PIK3R5: variants seen among roughly 807,000 people sequenced by gnomAD.
PIK3R5 encodes the protein phosphoinositide-3-kinase regulatory subunit 5, also known as phosphoinositide 3-kinase regulatory subunit 5.
In PIK3R5, 32 loss-of-function variants were observed where a neutral mutation model predicts 94.9. The ratio of observed to expected loss-of-function variants is 0.34; its 90% CI spans 0.25 to 0.45. PIK3R5 has a LOEUF of 0.45. PIK3R5 is among the 20% of genes least tolerant of loss of function. The pLI is 1.00. For synonymous variants in PIK3R5, 443 were observed against 479.4 expected, an observed-to-expected ratio of 0.92 and a Z score of 0.99; for missense variants, 853 against 1,144.6, an observed-to-expected ratio of 0.75 and a Z score of 3.68.
In PIK3R5 at chr17:8,886,389, A is replaced by G. The variant is rs2089857807; in HGVS notation, c.2035-67T>C. On this transcript the variant is annotated intron_variant, in intron 13 of 18. Coordinates refer to ENST00000447110, the MANE Select transcript of PIK3R5 (RefSeq NM_001142633.3). ...GAGGGGCCCATTTGGCTCCTCCAGC[A>G]TAGACCTGCTGGCTCTCCCGGGGCA... The G allele has an allele frequency of 2.5e-6, 4 of 1,603,614 alleles. No homozygotes were observed. The South Asian group carries it at 4.4e-5, about 18-fold the overall frequency.
In PIK3R5 at chr17:8,888,628, T is replaced by C. The variant is rs1351983630; in HGVS notation, c.1159A>G (p.Met387Val). Reference protein sequence around the residue: ...TSFVSGLSDGMDSGYVEDSEE... With the variant: ...TSFVSGLSDGVDSGYVEDSEE... ...CTGTCCTCCACGTAGCCGCTGTCCA[T>C]GCCATCAGAGAGGCCTGAGACAAAG... The change falls in exon 10 of 19, where the codon ATG (methionine) becomes GTG (valine). Residue 387 changes from methionine (M) to valine (V), a missense_variant. Coordinates refer to ENST00000447110, the MANE Select transcript of PIK3R5 (RefSeq NM_001142633.3). This position sits in a 1 kb window ranked among gnomAD's most constrained non-coding sequence, Gnocchi z 7.8. 1.5e-5 allele frequency: 24 copies of C among 1,613,142 alleles called. No homozygotes were observed. The highest frequency in any genetic ancestry group is 2.0e-5 in the Non-Finnish European group (24 of 1,179,670).
chr17:8,887,372 A>T, intron 11 of PIK3R5, 149 bp downstream of exon 11: 1 of 1,337,276 alleles, frequency 7.5e-7, no homozygotes, highest in Non-Finnish European at 1.0e-6. Flanking sequence ...CATATGGCAA[A>T]ATGTCATGTC....
intron 1 of PIK3R5, among the ~76,000 whole-genome samples, chr17:8,936,940 T>A (rs2091088407): frequency 6.6e-6 from 1 of 152,184 alleles, no homozygotes; most frequent in African/African-American, 2.4e-5. Context: ...TTTTATCCAT[T>A]TTATTGTTTT....
intron 5 of PIK3R5, among the ~76,000 whole-genome samples, chr17:8,898,481 G>GGATAT (rs1265591180): frequency 8.5e-5 from 13 of 152,200 alleles, no homozygotes; most frequent in African/African-American, 3.1e-4. Flanking sequence ...GAAAAGGATG[G>GGATAT]GATATGACTT....
At chr17:8,915,544 G>C (rs901640000) in intron 1 of PIK3R5, among the ~76,000 whole-genome samples, 1 of 152,174 alleles carries the variant, frequency 6.6e-6, no homozygotes, top group Admixed American at 6.5e-5. Flanking sequence ...ACAGGAGTGT[G>C]TGCCAGAGGG....
chr17:8,898,897 ATT>A (rs2090213903), intron 5 of PIK3R5, among the ~76,000 whole-genome samples: 1 of 152,142 alleles, frequency 6.6e-6, no homozygotes, highest in African/African-American at 2.4e-5. Flanking sequence ...TCTCAAAATC[ATT>A]TCCCATTTTA....
Position 8,880,688 on chromosome 17 carries a change from C to T in PIK3R5, c.2594G>A (p.Cys865Tyr). The T allele has an allele frequency of 6.2e-7, 1 of 1,613,752 alleles. No individual in the cohort carries two copies. Residue 865 changes from cysteine (C) to tyrosine (Y), a missense_variant, in exon 19 of 19, where the codon TGC becomes TAC. Around this residue, in one of 6 missense-constraint regions of PIK3R5, gnomAD observed 91 missense variants for 90.5 expected, o/e 1.01. Coordinates refer to ENST00000447110, the MANE Select transcript of PIK3R5 (RefSeq NM_001142633.3). Reference sequence around the variant, plus strand: ...CATGATGGGCAGGCAGAGAAGGGAGCAGAGATCAGGTGCGGCCTGGGCCGG... The same window carrying T: ...CATGATGGGCAGGCAGAGAAGGGAGTAGAGATCAGGTGCGGCCTGGGCCGG... ...DLPAQAAPDL[C>Y]SLLCLPIMTF... is the part of the protein sequence containing the mutation.
intron 1 of PIK3R5, among the ~76,000 whole-genome samples, chr17:8,963,912 G>T (rs993293291): frequency 1.6e-4 from 25 of 152,280 alleles, no homozygotes; most frequent in African/African-American, 5.8e-4. Context: ...AAAAGCAGGG[G>T]AGGGAGCCCT....
intron 10 of PIK3R5, 152 bp from the exon 11 acceptor site, chr17:8,887,835 CAAAAA>C (rs35014801): frequency 4.0e-5 from 16 of 395,302 alleles, no homozygotes; most frequent in South Asian, 1.0e-4. Context: ...TCTACTAAGA[CAAAAA>C]AAAAAAAAAA....
chr17:8,920,762 G>T (rs1375680413), intron 1 of PIK3R5, among the ~76,000 whole-genome samples: 1 of 151,668 alleles, frequency 6.6e-6, no homozygotes, highest in African/African-American at 2.4e-5. Context: ...TGTAATTTTA[G>T]CCCTTCTTTT....
chr17:8,938,791 T>C (rs890478073), intron 1 of PIK3R5, among the ~76,000 whole-genome samples: 2 of 152,230 alleles, frequency 1.3e-5, no homozygotes, highest in Non-Finnish European at 2.9e-5. Flanking sequence ...GCATTTCAAG[T>C]ATATATTTGT....
At chr17:8,950,717 T>C (rs956492323) in intron 1 of PIK3R5, among the ~76,000 whole-genome samples, 2 of 152,202 alleles carry the variant, frequency 1.3e-5, no homozygotes, top group Non-Finnish European at 2.9e-5. Context: ...CCTAGGTTGA[T>C]TCCATGTCTT....
intron 1 of PIK3R5, among the ~76,000 whole-genome samples, chr17:8,958,729 T>C (rs754769951): frequency 6.6e-5 from 10 of 151,662 alleles, no homozygotes; most frequent in East Asian, 3.9e-4. Flanking sequence ...TTCATGTGTG[T>C]GGCCACAGAC....
chr17:8,917,429 T>C (rs1191789517), intron 1 of PIK3R5, among the ~76,000 whole-genome samples: 3 of 152,184 alleles, frequency 2.0e-5, no homozygotes, highest in Admixed American at 6.5e-5. Flanking sequence ...CTGACGGGGA[T>C]AGGGAATGAA....
intron 1 of PIK3R5, among the ~76,000 whole-genome samples, chr17:8,960,379 G>A (rs898829895): frequency 1.3e-5 from 2 of 152,062 alleles, no homozygotes; most frequent in Non-Finnish European, 2.9e-5. Flanking sequence ...TAATCTCATA[G>A]TATCCCATAA....
chr17:8,962,195 C>T (rs755648040), intron 1 of PIK3R5, among the ~76,000 whole-genome samples: 4 of 152,146 alleles, frequency 2.6e-5, no homozygotes, highest in Non-Finnish European at 4.4e-5. Flanking sequence ...ATTGTAGCTA[C>T]CTCAGAGTGT....
chr17:8,960,779 T>C (rs2091549982), intron 1 of PIK3R5, among the ~76,000 whole-genome samples: 2 of 151,954 alleles, frequency 1.3e-5, no homozygotes, highest in Non-Finnish European at 2.9e-5. Context: ...TTTGCCTAGG[T>C]CAACAACAAC....
chr17:8,905,812 C>A, intron 3 of PIK3R5, 75 bp from the exon 4 acceptor site: 9 of 772,708 alleles, frequency 1.2e-5, no homozygotes, highest in Non-Finnish European at 1.8e-5. Flanking sequence ...TACAGTGGTT[C>A]TTCCTCATTC....
At chr17:8,898,719 C>A (rs190662135) in intron 5 of PIK3R5, among the ~76,000 whole-genome samples, 3 of 152,280 alleles carry the variant, frequency 2.0e-5, no homozygotes, top group Non-Finnish European at 4.4e-5. Flanking sequence ...TCATCATCAA[C>A]GATAATTATA....
Sources: gnomAD v4.1 joint callset for allele counts (sites outside exome capture counted in the v4.1 genomes callset) on GRCh38, gnomAD v4.1.1 for gene constraint, gnomAD v4.1.1 regional missense constraint, Gnocchi (gnomAD v3.1) non-coding constraint, MANE v1.5 for transcripts, NCBI Gene and HGNC (gene_info 2026-07-23, HGNC 2026-07-21) for gene names.